Variants in CCSER2 observed in about 807,000 individuals in gnomAD.
CCSER2 encodes serine-rich coiled-coil domain-containing protein 2.
In CCSER2, 46 loss-of-function variants were observed where a neutral mutation model predicts 92.3. That is an observed-to-expected ratio of 0.50 (90% CI 0.39 to 0.64). The LOEUF (loss-of-function observed/expected upper bound fraction) is 0.64, where lower values mean the gene tolerates loss of function less well. CCSER2 is among the 30% of genes least tolerant of loss of function. The probability of loss-of-function intolerance (pLI) is 0.00; values close to 1 mark genes in which losing one functional copy is unlikely to be tolerated. For missense variants in CCSER2, 1,244 were observed against 1,238.9 expected, an observed-to-expected ratio of 1.00 and a Z score of -0.06; for synonymous variants, 433 against 431.4, an observed-to-expected ratio of 1.00 and a Z score of -0.04.
chr10:84,467,577 AG>A (rs533203445), intron 7 of CCSER2, among the ~76,000 whole-genome samples: 82 of 152,322 alleles, frequency 5.4e-4, no homozygotes, highest in African/African-American at 1.9e-3. Context: ...CCCAACATAC[AG>A]TACTTTGACA....
At chr10:84,353,329 A>G (rs1844972053) in intron 1 of CCSER2, among the ~76,000 whole-genome samples, 1 of 152,134 alleles carries the variant, frequency 6.6e-6, no homozygotes. Context: ...AGCCCGAGCC[A>G]GCCCCAGGAC....
chr10:84,414,167 A>G (rs1332176056), intron 3 of CCSER2, among the ~76,000 whole-genome samples: 1 of 152,142 alleles, frequency 6.6e-6, no homozygotes, highest in Non-Finnish European at 1.5e-5. Context: ...GTATTATTGT[A>G]TGTAAATTTG....
chr10:84,479,606 G>A (rs187427746), intron 9 of CCSER2, among the ~76,000 whole-genome samples: 71 of 152,240 alleles, frequency 4.7e-4, no homozygotes, highest in Non-Finnish European at 7.8e-4. Flanking sequence ...TTCATGCCAG[G>A]CACTGTATTA....
chr10:84,371,772 A>G lies in CCSER2; in HGVS notation c.720A>G (p.Arg240=), dbSNP rs373202985. The G allele has an allele frequency of 1.2e-6, 2 of 1,613,652 alleles. No individual in the cohort carries two copies. Among genetic ancestry groups the G allele is most frequent in the African/African-American group, 1.3e-5 (1 of 74,904 alleles). Residue 240 remains arginine (R), a synonymous_variant, in exon 2 of 10, where the codon AGA becomes AGG. Coordinates refer to ENST00000372088, the MANE Select transcript of CCSER2 (RefSeq NM_001284240.2). ...TCCTTCCACCTTCATCTATAACCAG[A>G]TCACATTCCTTTAATAGAGCTGTGG... ...NSFLPPSSIT[R]SHSFNRAVDL...
At chr10:84,347,589 T>G (rs1405736257) in intron 1 of CCSER2, among the ~76,000 whole-genome samples, 4 of 141,760 alleles carry the variant, frequency 2.8e-5, no homozygotes, top group African/African-American at 8.0e-5. Flanking sequence ...GCGGCTGGCC[T>G]GGCGGGGGCT....
At chr10:84,357,896 A>G (rs569221755) in intron 1 of CCSER2, among the ~76,000 whole-genome samples, 2 of 152,366 alleles carry the variant, frequency 1.3e-5, no homozygotes, top group South Asian at 4.1e-4. Flanking sequence ...TTAGTAGACA[A>G]ATAATGCTTC....
At chr10:84,339,668 T>C (rs1589386076) in intron 1 of CCSER2, among the ~76,000 whole-genome samples, 1 of 149,390 alleles carries the variant, frequency 6.7e-6, no homozygotes. Flanking sequence ...AGAGACGAGG[T>C]TTCTCCATGT....
intron 3 of CCSER2, among the ~76,000 whole-genome samples, chr10:84,387,222 CTT>C (rs1356595679): frequency 6.6e-6 from 1 of 152,124 alleles, no homozygotes. Flanking sequence ...TGTATTCAGA[CTT>C]TTATTTTCTC....
chr10:84,368,422 C>G (rs1016008207), intron 1 of CCSER2, among the ~76,000 whole-genome samples: 3 of 151,666 alleles, frequency 2.0e-5, no homozygotes, highest in African/African-American at 7.3e-5. Context: ...ATATATATCT[C>G]TTAGTTGTTG....
At chr10:84,389,352 T>C (rs75300241) in intron 3 of CCSER2, 30,473 of 521,846 alleles carry the variant, frequency 0.058, 1,181 homozygotes, top group East Asian at 0.15. Flanking sequence ...TCAAAAGTGA[T>C]ATTTTCACCT....
At chr10:84,434,418 T>G (rs1843980781) in intron 5 of CCSER2, among the ~76,000 whole-genome samples, 1 of 152,218 alleles carries the variant, frequency 6.6e-6, no homozygotes, top group Non-Finnish European at 1.5e-5. Flanking sequence ...TTTCTGTCTC[T>G]TAGATTTCTC....
intron 3 of CCSER2, among the ~76,000 whole-genome samples, chr10:84,383,403 T>C (rs1425492865): frequency 6.6e-6 from 1 of 151,120 alleles, no homozygotes; most frequent in Non-Finnish European, 1.5e-5. Flanking sequence ...CTCCACCTCC[T>C]GAGTTCACGC....
At chr10:84,402,621 C>A (rs1271401928) in intron 3 of CCSER2, among the ~76,000 whole-genome samples, 1 of 152,116 alleles carries the variant, frequency 6.6e-6, no homozygotes, top group Non-Finnish European at 1.5e-5. Flanking sequence ...CAATTAATGA[C>A]CTTTGCAAAC....
At chr10:84,435,812 G>T (rs1353756251) in intron 5 of CCSER2, among the ~76,000 whole-genome samples, 5 of 152,150 alleles carry the variant, frequency 3.3e-5, no homozygotes, top group African/African-American at 9.7e-5. Context: ...AGTACAGGTC[G>T]CTATAAAAAC....
intron 3 of CCSER2, among the ~76,000 whole-genome samples, chr10:84,410,515 T>C (rs1268921048): frequency 1.3e-5 from 2 of 152,214 alleles, no homozygotes; most frequent in Non-Finnish European, 2.9e-5. Flanking sequence ...CTAATGATCA[T>C]TGATGTTGAG....
chr10:84,340,138 T>C (rs947698463), intron 1 of CCSER2, among the ~76,000 whole-genome samples: 10 of 152,200 alleles, frequency 6.6e-5, no homozygotes, highest in Non-Finnish European at 1.5e-4. Flanking sequence ...CCACTGCACC[T>C]GGCCATCACT....
At chr10:84,460,086 G>GTT (rs1846008452) in intron 6 of CCSER2, among the ~76,000 whole-genome samples, 1 of 105,806 alleles carries the variant, frequency 9.5e-6, no homozygotes, top group Non-Finnish European at 2.1e-5. Flanking sequence ...TTGATTCTTC[G>GTT]ATTTTTTTTT....
intron 9 of CCSER2, among the ~76,000 whole-genome samples, chr10:84,482,737 G>T (rs533744820): frequency 1.3e-4 from 20 of 152,134 alleles, no homozygotes; most frequent in African/African-American, 4.3e-4. Flanking sequence ...GAATCTCTAC[G>T]CAGGGAGAAC....
intron 6 of CCSER2, among the ~76,000 whole-genome samples, chr10:84,447,719 G>A (rs1845012432): frequency 6.6e-6 from 1 of 152,184 alleles, no homozygotes; most frequent in Admixed American, 6.5e-5. Flanking sequence ...TGCATTTAAA[G>A]TATGAGGTAG....
Sources: gnomAD v4.1 joint callset for allele counts (sites outside exome capture counted in the v4.1 genomes callset) on GRCh38, gnomAD v4.1.1 for gene constraint, MANE v1.5 for transcripts, NCBI Gene and HGNC (gene_info 2026-07-23, HGNC 2026-07-21) for gene names.